Variants in IGF2BP2 observed in about 807,000 individuals in gnomAD.
The protein encoded by IGF2BP2 is insulin-like growth factor 2 mRNA-binding protein 2.
In IGF2BP2, 17 loss-of-function variants were observed where a neutral mutation model predicts 75.8. The observed-to-expected ratio is 0.22, with a 90% CI of 0.15 to 0.34. The LOEUF is 0.34. IGF2BP2 is among the 10% of genes least tolerant of loss of function. The pLI is 1.00. For missense variants in IGF2BP2, 516 were observed against 772.4 expected, an observed-to-expected ratio of 0.67 and a Z score of 3.93; for synonymous variants, 288 against 295.6, an observed-to-expected ratio of 0.97 and a Z score of 0.26.
At chr3:185,775,272 A>G (rs989712658) in intron 2 of IGF2BP2, among the ~76,000 whole-genome samples, 44 of 152,338 alleles carry the variant, frequency 2.9e-4, no homozygotes, top group Non-Finnish European at 2.1e-4. Context: ...ATTAATACCC[A>G]TATTACTGGT....
At chr3:185,689,655 C>A in intron 5 of IGF2BP2, 28 bp from the exon 6 acceptor site, 4 of 1,613,758 alleles carry the variant, frequency 2.5e-6, no homozygotes, top group Non-Finnish European at 3.4e-6. Context: ...AGGGGAGCTT[C>A]GTCAGAAACC....
At position 185,688,498 on chromosome 3, in the gene IGF2BP2, A is replaced by G. The variant is rs186717987; in HGVS notation, c.677+857T>C. 5.0e-3 allele frequency among the ~76,000 whole-genome samples: 755 copies of G among 152,188 alleles called. 4 individuals carry two copies. Among genetic ancestry groups the G allele is most frequent in the Admixed American group, 0.011 (161 of 15,292 alleles). On this transcript the variant is annotated intron_variant, in intron 6 of 15. Coordinates refer to ENST00000382199, the MANE Select transcript of IGF2BP2 (RefSeq NM_006548.6). Reference sequence around the variant, plus strand: ...GCTGGGATTACAGGCGTGAGCCACCACAACTGGCTGATTTTTGTATTTTTA... The same window carrying G: ...GCTGGGATTACAGGCGTGAGCCACCGCAACTGGCTGATTTTTGTATTTTTA...
intron 14 of IGF2BP2, among the ~76,000 whole-genome samples, chr3:185,648,546 G>T (rs940387621): frequency 6.7e-6 from 1 of 149,472 alleles, no homozygotes; most frequent in Non-Finnish European, 1.5e-5. Flanking sequence ...GGACTCAAGA[G>T]ACCCCCGCCT....
intron 2 of IGF2BP2, among the ~76,000 whole-genome samples, chr3:185,783,652 G>A (rs577024966): frequency 2.6e-5 from 4 of 152,246 alleles, no homozygotes; most frequent in African/African-American, 9.6e-5. Context: ...ACCTATTTGT[G>A]CATAACCAGT....
At chr3:185,781,204 A>C (rs1735156024) in intron 2 of IGF2BP2, among the ~76,000 whole-genome samples, 1 of 151,508 alleles carries the variant, frequency 6.6e-6, no homozygotes, top group Non-Finnish European at 1.5e-5. Context: ...GCTATTCTGC[A>C]TTTTTAAAAA....
intron 12 of IGF2BP2, 102 bp from the exon 13 acceptor site, chr3:185,652,270 T>A: frequency 1.0e-6 from 1 of 972,132 alleles, no homozygotes; most frequent in Non-Finnish European, 1.5e-6. Flanking sequence ...AGGTTCCAGG[T>A]CTTGCTTCTG....
intron 2 of IGF2BP2, among the ~76,000 whole-genome samples, chr3:185,818,788 T>C (rs1015217903): frequency 6.6e-6 from 1 of 152,188 alleles, no homozygotes; most frequent in Non-Finnish European, 1.5e-5. Context: ...CTGGTTTTCA[T>C]AGCTTTTCTG....
chr3:185,747,826 T>TACTCTACTC (rs1305024151), intron 2 of IGF2BP2, among the ~76,000 whole-genome samples: 707 of 57,552 alleles, frequency 0.012, 1 homozygote, highest in South Asian at 0.03. Flanking sequence ...TTATTTTATT[T>TACTCTACTC]TATTCTACTC....
intron 2 of IGF2BP2, among the ~76,000 whole-genome samples, chr3:185,798,795 CTT>C (rs1191572296): frequency 5.8e-5 from 4 of 68,908 alleles, no homozygotes; most frequent in African/African-American, 7.7e-5. Flanking sequence ...TTCTTTTTTT[CTT>C]TTTTTTTTTT....
chr3:185,796,433 T>G (rs1450066586), intron 2 of IGF2BP2, among the ~76,000 whole-genome samples: 2 of 151,706 alleles, frequency 1.3e-5, no homozygotes, highest in Non-Finnish European at 2.9e-5. Flanking sequence ...CATGGTGGCA[T>G]ACGCCTGTAA....
intron 9 of IGF2BP2, 110 bp downstream of exon 9, chr3:185,675,186 A>T (rs1376220754): frequency 9.5e-7 from 1 of 1,051,412 alleles, no homozygotes; most frequent in East Asian, 2.6e-5. Flanking sequence ...TTATCCTAGG[A>T]AGTCAGGAAA....
At chr3:185,783,524 A>G (rs976226812) in intron 2 of IGF2BP2, among the ~76,000 whole-genome samples, 1 of 152,226 alleles carries the variant, frequency 6.6e-6, no homozygotes, top group East Asian at 1.9e-4. Flanking sequence ...GGGAAAGTCT[A>G]TGAGAGCCGT....
chr3:185,732,017 T>C (rs1728260931), intron 2 of IGF2BP2, among the ~76,000 whole-genome samples: 1 of 152,124 alleles, frequency 6.6e-6, no homozygotes, highest in Non-Finnish European at 1.5e-5. Flanking sequence ...TTCTTGTGGT[T>C]TCCGGAGCAC....
chr3:185,676,847 T>G (rs1190032015), intron 7 of IGF2BP2, among the ~76,000 whole-genome samples: 3 of 143,108 alleles, frequency 2.1e-5, no homozygotes, highest in South Asian at 2.2e-4. Flanking sequence ...TTACTGGAGA[T>G]ATATATATAT....
chr3:185,672,338 C>T (rs1037620648), intron 10 of IGF2BP2, among the ~76,000 whole-genome samples: 3 of 152,126 alleles, frequency 2.0e-5, no homozygotes, highest in South Asian at 2.1e-4. Context: ...TTTAAGAACA[C>T]GTGTTTAGAG....
rs1741780342 is a variant in IGF2BP2, at chr3:185,824,513, GGCGAGCCTC to G, written c.178+261_178+269del. Among the ~76,000 whole-genome samples, 3 of 151,566 alleles carry G rather than the reference GGCGAGCCTC, an allele frequency of 2.0e-5. No individual in the cohort carries two copies. The South Asian group carries it at 6.3e-4, about 32-fold the overall frequency. ...GAACGAGGGGTGCCCCTAAGGAGCC[GGCGAGCCTC>G]GGGAGCCTTCGGAGCGGCACGGGGG... On this transcript the variant is annotated intron_variant, in intron 1 of 15. Coordinates refer to ENST00000382199, the MANE Select transcript of IGF2BP2 (RefSeq NM_006548.6).
At chr3:185,786,532 T>C (rs557057179) in intron 2 of IGF2BP2, among the ~76,000 whole-genome samples, 8 of 152,126 alleles carry the variant, frequency 5.3e-5, no homozygotes, top group Non-Finnish European at 8.8e-5. Context: ...ACTGAGCACC[T>C]TGTGACCCGC....
At chr3:185,686,117 C>T (rs1577965735) in intron 7 of IGF2BP2, among the ~76,000 whole-genome samples, 1 of 152,216 alleles carries the variant, frequency 6.6e-6, no homozygotes, top group Non-Finnish European at 1.5e-5. Flanking sequence ...GACATGGTGG[C>T]TCATGCCTGT....
At chr3:185,665,320 A>AGG (rs1717206902) in intron 10 of IGF2BP2, among the ~76,000 whole-genome samples, 1 of 50,144 alleles carries the variant, frequency 2.0e-5, no homozygotes, top group Non-Finnish European at 3.8e-5. Flanking sequence ...GCAGAAGGAG[A>AGG]AGGAGGAGGA....
Sources: allele counts gnomAD v4.1 joint callset (sites outside exome capture counted in the v4.1 genomes callset), GRCh38; gene constraint gnomAD v4.1.1; transcripts MANE v1.5; gene names NCBI Gene and HGNC (gene_info 2026-07-23, HGNC 2026-07-21).